The following TRAPPC8 variants were observed in gnomAD, a reference collection of about 807,000 sequenced individuals.
TRAPPC8 encodes the protein trafficking protein particle complex subunit 8, also known as general sporulation gene 1 homolog.
Under a neutral mutation model 174.3 loss-of-function variants are expected in TRAPPC8, and 54 were observed. The ratio of observed to expected loss-of-function variants is 0.31; its 90% CI spans 0.25 to 0.39. The LOEUF (loss-of-function observed/expected upper bound fraction) is 0.39. TRAPPC8 is among the 10% of genes least tolerant of loss of function. The pLI is 1.00. For synonymous variants in TRAPPC8, 630 were observed against 579.9 expected (o/e 1.09, Z -1.24); for missense variants, 1,531 against 1,699.1 (o/e 0.90, Z 1.74).
At chr18:31,864,011 A>G (rs2034462481) in intron 19 of TRAPPC8, among the ~76,000 whole-genome samples, 1 of 146,736 alleles carries the variant, frequency 6.8e-6, no homozygotes, top group Non-Finnish European at 1.5e-5. Context: ...CTTTATTATA[A>G]TATGTTATTA....
chr18:31,923,560 T>A (rs1034256055), intron 2 of TRAPPC8, among the ~76,000 whole-genome samples: 4 of 152,186 alleles, frequency 2.6e-5, no homozygotes, highest in Non-Finnish European at 5.9e-5. Flanking sequence ...TACATCTGAA[T>A]ATATAAGAAT....
rs2035180002 is a variant in TRAPPC8 at position 31,876,856 on chromosome 18, G to A, written c.1729-2152C>T. Among the ~76,000 whole-genome samples the A allele has an allele frequency of 2.6e-5, 4 of 152,104 alleles. No individual in the cohort carries two copies. The South Asian group carries it at 8.3e-4, about 32-fold the overall frequency. ...AGAACGTCCCAGGGACAAGGATGTG[G>A]GTGGCCAGCTCACACAGGCATGCCC... On this transcript the variant is annotated intron_variant, in intron 12 of 28. Transcript: ENST00000283351.
chr18:31,881,797 A>T (rs535283559), intron 12 of TRAPPC8, among the ~76,000 whole-genome samples: 1 of 152,350 alleles, frequency 6.6e-6, no homozygotes, highest in Admixed American at 6.5e-5. Context: ...AAGAAAAAAA[A>T]TCAAATAATC....
At chr18:31,878,700 A>AGATCCAAG (rs1437233340) in intron 12 of TRAPPC8, among the ~76,000 whole-genome samples, 1 of 152,212 alleles carries the variant, frequency 6.6e-6, no homozygotes, top group Non-Finnish European at 1.5e-5. Context: ...TCAAAAGACA[A>AGATCCAAG]GATCCAAGCA....
chr18:31,863,853 C>A (rs1404549894), intron 19 of TRAPPC8, among the ~76,000 whole-genome samples: 1 of 151,928 alleles, frequency 6.6e-6, no homozygotes, highest in African/African-American at 2.4e-5. Context: ...GGCTCAAAGA[C>A]TGAAAATTGC....
intron 9 of TRAPPC8, among the ~76,000 whole-genome samples, chr18:31,902,330 C>CA (rs1447430657): frequency 6.6e-6 from 1 of 151,974 alleles, no homozygotes; most frequent in Non-Finnish European, 1.5e-5. Context: ...GATTCGGTCT[C>CA]AAAAAACAAA....
At chr18:31,873,767 C>A (rs1437527601) in intron 13 of TRAPPC8, 2 of 381,618 alleles carry the variant, frequency 5.2e-6, no homozygotes, top group African/African-American at 2.1e-5. Context: ...CAGCTAATTA[C>A]CTGGATGTTA....
chr18:31,904,591 T>A (rs533676890), intron 9 of TRAPPC8, among the ~76,000 whole-genome samples: 2 of 152,226 alleles, frequency 1.3e-5, no homozygotes, highest in African/African-American at 4.8e-5. Flanking sequence ...TTTAACCTGA[T>A]AGTTCCATGA....
intron 6 of TRAPPC8, among the ~76,000 whole-genome samples, 192 bp from the exon 7 acceptor site, chr18:31,909,202 T>C (rs2036802063): frequency 1.3e-5 from 2 of 152,170 alleles, no homozygotes; most frequent in South Asian, 4.1e-4. Context: ...TTAATATTTG[T>C]TTTGGTACCT....
intron 27 of TRAPPC8, among the ~76,000 whole-genome samples, chr18:31,835,363 T>C (rs1353401892): frequency 6.6e-6 from 1 of 152,180 alleles, no homozygotes; most frequent in Non-Finnish European, 1.5e-5. Flanking sequence ...GGGAAGTTTG[T>C]TTTCTTCCTT....
intron 26 of TRAPPC8, among the ~76,000 whole-genome samples, chr18:31,841,734 G>A (rs2033111984): frequency 6.6e-6 from 1 of 152,000 alleles, no homozygotes; most frequent in Non-Finnish European, 1.5e-5. Flanking sequence ...TACCTCACAG[G>A]GTTGTAATTT....
rs370711778 is a variant in TRAPPC8, at chr18:31,856,301, C to T, written c.3189-494G>A. Among the ~76,000 whole-genome samples, 11 of 152,074 alleles carry T rather than the reference C, an allele frequency of 7.2e-5. No homozygotes were observed. The South Asian group carries it at 1.2e-3, about 17-fold the overall frequency. ...TGTATTTTTAGTAGAGATGGGGTTT[C>T]GCCATATTCATCATCTTCATCATAA... On this transcript the variant is annotated intron_variant, in intron 20 of 28. Coordinates refer to ENST00000283351, the MANE Select transcript of TRAPPC8 (RefSeq NM_014939.5).
chr18:31,872,332 C>G (rs553898304), intron 14 of TRAPPC8, among the ~76,000 whole-genome samples: 1 of 152,074 alleles, frequency 6.6e-6, no homozygotes, highest in Admixed American at 6.5e-5. Flanking sequence ...AAAAGTCTTA[C>G]AAGAACAGCA....
chr18:31,896,683 T>G (rs1252988939), intron 11 of TRAPPC8, among the ~76,000 whole-genome samples: 3 of 152,156 alleles, frequency 2.0e-5, no homozygotes, highest in Non-Finnish European at 2.9e-5. Context: ...TGGAGTGCAG[T>G]GGTGCGATCT....
chr18:31,901,535 G>A (rs1324512094), intron 9 of TRAPPC8, among the ~76,000 whole-genome samples: 2 of 152,012 alleles, frequency 1.3e-5, no homozygotes, highest in Non-Finnish European at 2.9e-5. Flanking sequence ...GAAAGAACAT[G>A]GGGAATACAG....
chr18:31,831,194 A>G (rs1251468773), intron 28 of TRAPPC8, among the ~76,000 whole-genome samples: 1 of 152,002 alleles, frequency 6.6e-6, no homozygotes, highest in Non-Finnish European at 1.5e-5. Flanking sequence ...TCTACTAAAA[A>G]TACAAAATTA....
At chr18:31,837,730 G>GA (rs919413304) in intron 27 of TRAPPC8, among the ~76,000 whole-genome samples, 8 of 148,850 alleles carry the variant, frequency 5.4e-5, no homozygotes, top group East Asian at 2.0e-4. Flanking sequence ...AGAAGAAGAA[G>GA]AAAAAAAAAT....
In TRAPPC8 at chr18:31,898,569, G is replaced by C. The variant is rs1012025558; in HGVS notation, c.1491-678C>G. On this transcript the variant is annotated intron_variant, in intron 10 of 28. Transcript: ENST00000283351. The stretch of plus-strand genomic sequence containing the variant: ...CTCCTTCCCTATGCAAATTCTGACT[G>C]TGTTTCATTTTGCTGGCTACTTTGA... 3.9e-4 allele frequency among the ~76,000 whole-genome samples: 59 copies of C among 152,158 alleles called. 1 individual carries two copies.
chr18:31,875,105 C>T (rs967154916), intron 12 of TRAPPC8, among the ~76,000 whole-genome samples: 1 of 152,100 alleles, frequency 6.6e-6, no homozygotes, highest in African/African-American at 2.4e-5. Context: ...AAACAAACTT[C>T]AACATTTAAA....
Sources: allele counts gnomAD v4.1 joint callset (sites outside exome capture counted in the v4.1 genomes callset), GRCh38; gene constraint gnomAD v4.1.1; transcripts MANE v1.5; gene names NCBI Gene and HGNC (gene_info 2026-07-23, HGNC 2026-07-21).